TRDN: variants seen among roughly 807,000 people sequenced by gnomAD.
TRDN encodes the protein triadin, also known as triadin in skeletal muscle.
Under a neutral mutation model 149.7 loss-of-function variants are expected in TRDN, and 161 were observed. The observed-to-expected ratio is 1.08, with a 90% CI of 0.95 to 1.23. The LOEUF is 1.23. TRDN is among the 50% of genes most tolerant of loss of function. TRDN has a pLI of 0.00. For missense variants in TRDN, 896 were observed against 823.5 expected (o/e 1.09, Z -1.08); for synonymous variants, 294 against 250.5 (o/e 1.17, Z -1.64).
At chr6:123,530,903 T>A (rs1780219871) in intron 4 of TRDN, among the ~76,000 whole-genome samples, 1 of 151,956 alleles carries the variant, frequency 6.6e-6, no homozygotes, top group Non-Finnish European at 1.5e-5. Context: ...AAATTAAGAA[T>A]CCTTAATAAG....
At chr6:123,439,519 T>C (rs908475893) in intron 10 of TRDN, 2 of 152,330 alleles carry the variant, frequency 1.3e-5, no homozygotes, top group African/African-American at 4.8e-5. Context: ...TGATGACAAG[T>C]GTCTGGCAGT....
chr6:123,465,388 T>C (rs1448518128), intron 9 of TRDN, among the ~76,000 whole-genome samples: 5 of 151,904 alleles, frequency 3.3e-5, no homozygotes, highest in Non-Finnish European at 5.9e-5. Flanking sequence ...TAACTAAAAA[T>C]TCTCAAATGA....
chr6:123,271,307 A>G (rs779364913), intron 29 of TRDN, 121 bp from the exon 30 acceptor site: 2 of 563,908 alleles, frequency 3.5e-6, no homozygotes, highest in Non-Finnish European at 5.9e-6. Context: ...TGTTGCCTCA[A>G]TAAAACAGCA....
chr6:123,607,625 T>C (rs1437312757), intron 1 of TRDN, among the ~76,000 whole-genome samples: 1 of 152,172 alleles, frequency 6.6e-6, no homozygotes, highest in Non-Finnish European at 1.5e-5. Flanking sequence ...GATTTTGTTT[T>C]TAATCGTCAG....
intron 10 of TRDN, among the ~76,000 whole-genome samples, chr6:123,455,446 G>GTGTGTGTGTGTA (rs1392022962): frequency 5.9e-5 from 9 of 151,714 alleles, no homozygotes; most frequent in African/African-American, 2.2e-4. Context: ...GTGTCTGTGT[G>GTGTGTGTGTGTA]TGTTAGAGAA....
At chr6:123,500,890 A>G (rs888349683) in intron 8 of TRDN, among the ~76,000 whole-genome samples, 7 of 152,190 alleles carry the variant, frequency 4.6e-5, no homozygotes, top group African/African-American at 1.7e-4. Context: ...GTTTTAAAAG[A>G]AAGAATGAGT....
At chr6:123,475,628 T>G (rs1217988920) in intron 9 of TRDN, among the ~76,000 whole-genome samples, 1 of 120,906 alleles carries the variant, frequency 8.3e-6, no homozygotes, top group Non-Finnish European at 1.7e-5. Context: ...TAGACCAATA[T>G]CCTTGATGAA....
At chr6:123,236,556 A>G (rs1775795692) in intron 38 of TRDN, among the ~76,000 whole-genome samples, 1 of 152,098 alleles carries the variant, frequency 6.6e-6, no homozygotes, top group Admixed American at 6.5e-5. Flanking sequence ...TTTCTCCTAA[A>G]AGTTTGATAA....
chr6:123,382,691 T>C (rs1469152215), intron 14 of TRDN, among the ~76,000 whole-genome samples: 1 of 152,070 alleles, frequency 6.6e-6, no homozygotes, highest in African/African-American at 2.4e-5. Flanking sequence ...CATGGGTTAC[T>C]GATGAATACA....
intron 9 of TRDN, among the ~76,000 whole-genome samples, chr6:123,473,460 A>T (rs1453906165): frequency 6.6e-6 from 1 of 151,930 alleles, no homozygotes; most frequent in Non-Finnish European, 1.5e-5. Context: ...GACCAAATCT[A>T]CGTCTGATTG....
intron 24 of TRDN, 48 bp from the exon 25 acceptor site, chr6:123,279,130 A>G: frequency 2.8e-6 from 4 of 1,453,536 alleles, no homozygotes; most frequent in Non-Finnish European, 2.8e-6. Context: ...TACAATTCTT[A>G]TTAAATTAAC....
In TRDN at chr6:123,221,524, T is replaced by C; in HGVS notation, c.2015-2A>G. 6.4e-7 allele frequency: 1 copy of C among 1,562,856 alleles called. No homozygotes were observed. The highest frequency in any genetic ancestry group is 8.8e-7 in the Non-Finnish European group (1 of 1,141,194). Reference sequence around the variant, plus strand: ...TGGGAGACACATCTTCAGTTCCTTCTAGTGGATAAAAAATATAAAAGTAAA... The same window carrying C: ...TGGGAGACACATCTTCAGTTCCTTCCAGTGGATAAAAAATATAAAAGTAAA... On this transcript the variant is annotated splice_acceptor_variant, in intron 39 of 40. Coordinates refer to ENST00000334268, the MANE Select transcript of TRDN (RefSeq NM_006073.4). LOFTEE classifies it high-confidence loss of function.
At chr6:123,259,128 C>G (rs1028737513) in intron 35 of TRDN, among the ~76,000 whole-genome samples, 2 of 151,564 alleles carry the variant, frequency 1.3e-5, no homozygotes, top group African/African-American at 4.8e-5. Flanking sequence ...TTTTTTGTGT[C>G]TCTCACTCCT....
intron 20 of TRDN, among the ~76,000 whole-genome samples, chr6:123,365,650 T>C (rs1022104941): frequency 4.6e-5 from 7 of 152,194 alleles, no homozygotes; most frequent in Admixed American, 3.3e-4. Flanking sequence ...GGCTACATTA[T>C]TGACTTCATT....
chr6:123,371,416 A>G (rs1781323752), intron 19 of TRDN, among the ~76,000 whole-genome samples: 1 of 152,048 alleles, frequency 6.6e-6, no homozygotes, highest in Non-Finnish European at 1.5e-5. Context: ...ATTTGTTTAT[A>G]TCTACACCAA....
At chr6:123,430,499 A>G (rs1299202768) in intron 12 of TRDN, among the ~76,000 whole-genome samples, 1 of 151,966 alleles carries the variant, frequency 6.6e-6, no homozygotes, top group East Asian at 1.9e-4. Context: ...GGAGAACTGC[A>G]TGAACACGGG....
intron 5 of TRDN, chr6:123,528,579 G>C: frequency 1.1e-6 from 1 of 935,940 alleles, no homozygotes; most frequent in Non-Finnish European, 1.3e-6. Context: ...GGTTCAAAAT[G>C]CTTTGATAAT....
At chr6:123,435,369 A>G (rs1329178777) in intron 12 of TRDN, among the ~76,000 whole-genome samples, 1 of 152,076 alleles carries the variant, frequency 6.6e-6, no homozygotes, top group African/African-American at 2.4e-5. Flanking sequence ...AAATTTTACT[A>G]CTTTCATAAT....
intron 23 of TRDN, among the ~76,000 whole-genome samples, chr6:123,317,030 T>A (rs1272109760): frequency 6.6e-6 from 1 of 151,800 alleles, no homozygotes; most frequent in Non-Finnish European, 1.5e-5. Flanking sequence ...TAGACAATTG[T>A]GACATAAAGT....
Sources: allele counts gnomAD v4.1 joint callset (sites outside exome capture counted in the v4.1 genomes callset), GRCh38; gene constraint gnomAD v4.1.1; transcripts MANE v1.5; gene names NCBI Gene and HGNC (gene_info 2026-07-23, HGNC 2026-07-21).